PRKCI: variants seen among roughly 807,000 people sequenced by gnomAD.
PRKCI encodes the protein protein kinase C iota type.
In PRKCI, 43 loss-of-function variants were observed where a neutral mutation model predicts 84.0. That is an observed-to-expected ratio of 0.51 (90% CI 0.40 to 0.66). The LOEUF is 0.66. Among genes scored for constraint, PRKCI ranks in the 30% least tolerant of loss-of-function variants. The pLI is 0.00. For missense variants in PRKCI, 459 were observed against 745.6 expected (o/e 0.62, Z 4.48); for synonymous variants, 216 against 234.4 (o/e 0.92, Z 0.72).
intron 1 of PRKCI, among the ~76,000 whole-genome samples, chr3:170,230,790 T>C (rs1732767598): frequency 1.3e-5 from 2 of 152,184 alleles, no homozygotes; most frequent in Admixed American, 1.3e-4. Flanking sequence ...ATGGTAACTC[T>C]GTTATGTACT....
chr3:170,273,031 A>G (rs898704098), intron 6 of PRKCI, among the ~76,000 whole-genome samples: 7 of 152,214 alleles, frequency 4.6e-5, no homozygotes, highest in African/African-American at 1.4e-4. Flanking sequence ...AGCAGAATAT[A>G]TGGCAGTTTA....
intron 1 of PRKCI, among the ~76,000 whole-genome samples, chr3:170,234,858 A>G (rs2108836985): frequency 6.6e-6 from 1 of 152,098 alleles, no homozygotes; most frequent in Non-Finnish European, 1.5e-5. Context: ...GCTGGAGTGC[A>G]GTGATGTGAT....
chr3:170,230,963 G>GTTT (rs375182104), intron 1 of PRKCI, among the ~76,000 whole-genome samples: 5 of 128,132 alleles, frequency 3.9e-5, no homozygotes, highest in East Asian at 2.3e-4. Context: ...TTTTTTTTTT[G>GTTT]TTTTTTTTTT....
intron 11 of PRKCI, 58 bp downstream of exon 11, chr3:170,282,026 G>T: frequency 6.4e-7 from 1 of 1,563,000 alleles, no homozygotes; most frequent in Non-Finnish European, 8.7e-7. Context: ...GGCTTTTTAT[G>T]TGCAGTGGTT....
At chr3:170,235,473 T>A in intron 2 of PRKCI, 122 bp downstream of exon 2, 1 of 1,048,042 alleles carries the variant, frequency 9.5e-7, no homozygotes, top group Non-Finnish European at 1.3e-6. Flanking sequence ...TTTGATGCCA[T>A]TCTTGTTTTT....
At chr3:170,293,560 A>G (rs780169332) in intron 14 of PRKCI, 52 bp downstream of exon 14, 3 of 1,566,016 alleles carry the variant, frequency 1.9e-6, no homozygotes, top group Non-Finnish European at 8.7e-7. Context: ...ATTCTAGAGT[A>G]CAAATGAGAG....
At chr3:170,275,717 G>C (rs1468945902) in intron 8 of PRKCI, among the ~76,000 whole-genome samples, 1 of 151,758 alleles carries the variant, frequency 6.6e-6, no homozygotes, top group African/African-American at 2.4e-5. Context: ...AAAATGATTT[G>C]ATTAAAATAA....
chr3:170,299,196 T>TA, intron 17 of PRKCI, 86 bp downstream of exon 17: 1 of 600,494 alleles, frequency 1.7e-6, no homozygotes. Flanking sequence ...ATTATCAGAT[T>TA]ATACTATAAT....
intron 2 of PRKCI, 94 bp from the exon 3 acceptor site, chr3:170,259,875 A>T: frequency 1.7e-6 from 1 of 586,446 alleles, no homozygotes; most frequent in East Asian, 3.2e-5. Flanking sequence ...ATATGAGATT[A>T]TTTTTTCTAA....
At chr3:170,268,173 T>A (rs765762829) in intron 5 of PRKCI, among the ~76,000 whole-genome samples, 173 bp downstream of exon 5, 1 of 152,186 alleles carries the variant, frequency 6.6e-6, no homozygotes, top group African/African-American at 2.4e-5. Flanking sequence ...TTTAATAGCA[T>A]CTCTTTCACT....
In PRKCI at chr3:170,271,291, G is replaced by T. The variant is rs985452959; in HGVS notation, c.591+730G>T. ...CAGTTATCAACTCATGTCTAATCTT[G>T]GTTTCATCTGTACCCCCATTCACTT... On this transcript the variant is annotated intron_variant, in intron 6 of 17. Coordinates refer to ENST00000295797, the MANE Select transcript of PRKCI (RefSeq NM_002740.6). 2.6e-4 allele frequency among the ~76,000 whole-genome samples: 40 copies of T among 151,900 alleles called. 1 individual carries two copies. The highest frequency in any genetic ancestry group is 9.7e-4 in the African/African-American group (40 of 41,362).
At chr3:170,229,486 T>A (rs571150320) in intron 1 of PRKCI, among the ~76,000 whole-genome samples, 21 of 152,294 alleles carry the variant, frequency 1.4e-4, no homozygotes, top group South Asian at 2.1e-4. Flanking sequence ...TAATTTTTTT[T>A]AATATGTTTT....
intron 6 of PRKCI, among the ~76,000 whole-genome samples, chr3:170,272,508 C>T (rs1257697535): frequency 6.6e-6 from 1 of 152,128 alleles, no homozygotes; most frequent in African/African-American, 2.4e-5. Context: ...CTATTTCCAA[C>T]ATATTTATGT....
At chr3:170,257,992 G>C (rs900995372) in intron 2 of PRKCI, among the ~76,000 whole-genome samples, 2 of 151,840 alleles carry the variant, frequency 1.3e-5, no homozygotes, top group Non-Finnish European at 2.9e-5. Context: ...GGGAGACTCA[G>C]AAACGCCTTT....
chr3:170,290,520 A>G (rs1382714428), intron 12 of PRKCI, among the ~76,000 whole-genome samples: 1 of 151,498 alleles, frequency 6.6e-6, no homozygotes, highest in Non-Finnish European at 1.5e-5. Flanking sequence ...TTCTACATGT[A>G]TATGTATTTT....
At chr3:170,275,050 C>T (rs1376213904) in intron 7 of PRKCI, among the ~76,000 whole-genome samples, 179 bp from the exon 8 acceptor site, 1 of 152,104 alleles carries the variant, frequency 6.6e-6, no homozygotes, top group East Asian at 1.9e-4. Context: ...ATTGTATTTA[C>T]ATACAATTTG....
intron 3 of PRKCI, 54 bp downstream of exon 3, chr3:170,260,112 C>T (rs1026718903): frequency 7.7e-6 from 9 of 1,162,906 alleles, no homozygotes; most frequent in Admixed American, 2.1e-5. Context: ...TTTGAAATCA[C>T]TCTTTATTCT....
In PRKCI at chr3:170,247,730, C is replaced by CAAAAAAAAAA. The variant is rs72411481; in HGVS notation, c.224-12218_224-12209dup. The stretch of plus-strand genomic sequence containing the variant: ...GGGCAACAAGAGCAAAACTCTGTCT[C>CAAAAAAAAAA]AAAAAAAAAAAAAAAAAAAAAAAAA... On this transcript the variant is annotated intron_variant, in intron 2 of 17. Coordinates refer to ENST00000295797, the MANE Select transcript of PRKCI (RefSeq NM_002740.6). Among the ~76,000 whole-genome samples the CAAAAAAAAAA allele has an allele frequency of 1.0e-3, 28 of 27,906 alleles. 4 individuals are homozygous for CAAAAAAAAAA. Among genetic ancestry groups the CAAAAAAAAAA allele is most frequent in the African/African-American group, 3.9e-3 (27 of 6,950 alleles). 18.3% of individuals were successfully genotyped at this position (27,906 alleles called of 152,430 possible).
chr3:170,277,350 A>G (rs934220741), intron 8 of PRKCI, among the ~76,000 whole-genome samples: 1 of 152,164 alleles, frequency 6.6e-6, no homozygotes, highest in Non-Finnish European at 1.5e-5. Context: ...GTCACTAATT[A>G]TCAGAGAAAT....
Sources: gnomAD v4.1 joint callset for allele counts (sites outside exome capture counted in the v4.1 genomes callset) on GRCh38, gnomAD v4.1.1 for gene constraint, MANE v1.5 for transcripts, NCBI Gene and HGNC (gene_info 2026-07-23, HGNC 2026-07-21) for gene names.